Variants in PTPRQ observed in about 807,000 individuals in gnomAD.
The protein encoded by PTPRQ is phosphatidylinositol phosphatase PTPRQ.
In PTPRQ, 199 loss-of-function variants were observed where a neutral mutation model predicts 246.0. The observed-to-expected ratio is 0.81, with a 90% CI of 0.72 to 0.91. The LOEUF (loss-of-function observed/expected upper bound fraction) is 0.91, where lower values mean the gene tolerates loss of function less well. Ranked by LOEUF, PTPRQ falls within the 40% of genes least tolerant of loss-of-function variation. The pLI is 0.00. For missense variants in PTPRQ, 2,624 were observed against 2,528.4 expected, an observed-to-expected ratio of 1.04 and a Z score of -0.81; for synonymous variants, 869 against 853.2, an observed-to-expected ratio of 1.02 and a Z score of -0.32.
At chr12:80,477,620 C>T (rs1036803062) in intron 8 of PTPRQ, among the ~76,000 whole-genome samples, 7 of 152,238 alleles carry the variant, frequency 4.6e-5, no homozygotes, top group South Asian at 2.1e-4. Context: ...TCTGAGGTAC[C>T]GGGTTCATCT....
At chr12:80,493,659 T>A (rs1894521538) in intron 10 of PTPRQ, among the ~76,000 whole-genome samples, 1 of 151,962 alleles carries the variant, frequency 6.6e-6, no homozygotes, top group African/African-American at 2.4e-5. Context: ...CCATTTGACC[T>A]TCTTCCTGGA....
intron 43 of PTPRQ, among the ~76,000 whole-genome samples, chr12:80,677,806 A>G (rs1283799513): frequency 1.3e-5 from 2 of 152,218 alleles, no homozygotes; most frequent in Non-Finnish European, 2.9e-5. Flanking sequence ...ATCATTGTCA[A>G]TTTGAATATA....
chr12:80,622,811 T>C (rs1490065331), intron 33 of PTPRQ, among the ~76,000 whole-genome samples: 1 of 152,062 alleles, frequency 6.6e-6, no homozygotes, highest in Non-Finnish European at 1.5e-5. Context: ...AGTATCATCC[T>C]TGAGGGGTTG....
Position 80,605,070 on chromosome 12 carries a change from C to T in PTPRQ, c.4621C>T (p.Pro1541Ser), listed in dbSNP as rs1898265817. The T allele has an allele frequency of 6.5e-7, 1 of 1,541,154 alleles. No individual in the cohort carries two copies. Among genetic ancestry groups the T allele is most frequent in the Admixed American group, 2.0e-5 (1 of 49,988 alleles). Residue 1541 changes from proline (P) to serine (S), a missense_variant, in exon 27 of 45, where the codon CCT becomes TCT. Coordinates refer to ENST00000644991, the MANE Select transcript of PTPRQ (RefSeq NM_001145026.2). ...TTCTATTGTCATAGCTCCAGATGGT[C>T]CTCCTGAAAATGTTCATGTAGTAGC... ...TKTLPGPPDG[P>S]PENVHVVATS...
chr12:80,650,316 G>GTT (rs34306935), intron 37 of PTPRQ, among the ~76,000 whole-genome samples: 4,549 of 148,996 alleles, frequency 0.031, 102 homozygotes, highest in Middle Eastern at 0.059. Flanking sequence ...GTTGGGAATA[G>GTT]TTTTTTTTTT....
chr12:80,501,402 G>A (rs991787272), intron 14 of PTPRQ, among the ~76,000 whole-genome samples: 5 of 151,904 alleles, frequency 3.3e-5, no homozygotes, highest in Admixed American at 6.6e-5. Context: ...ACTTAGATGG[G>A]GCAGTCCAGG....
At chr12:80,496,198 A>T (rs1894614807) in intron 13 of PTPRQ, 52 bp from the exon 14 acceptor site, 2 of 1,542,018 alleles carry the variant, frequency 1.3e-6, no homozygotes, top group South Asian at 2.5e-5. Flanking sequence ...GGTCTAAAGC[A>T]ACAAACATCA....
chr12:80,549,697 T>C lies in PTPRQ; in HGVS notation c.4248T>C (p.Asp1416=), dbSNP rs992918352. 1.4e-5 allele frequency: 21 copies of C among 1,550,734 alleles called. No individual in the cohort carries two copies. The highest frequency in any genetic ancestry group is 1.7e-5 in the Non-Finnish European group (20 of 1,146,440). Residue 1416 remains aspartate (D), a synonymous_variant, in exon 25 of 45, where the codon GAT becomes GAC. Transcript: ENST00000644991. ...CTTCAACCTCAGCTGGTGAAGGTGATGAAAGCACATGCCATGTCAGCACAC... is the reference window on the plus strand; with the variant it reads ...CTTCAACCTCAGCTGGTGAAGGTGACGAAAGCACATGCCATGTCAGCACAC... ...VRASTSAGEG[D]ESTCHVSTLP...
At chr12:80,502,933 A>G (rs890294897) in intron 14 of PTPRQ, among the ~76,000 whole-genome samples, 3 of 151,780 alleles carry the variant, frequency 2.0e-5, no homozygotes, top group Non-Finnish European at 4.4e-5. Flanking sequence ...CTCTCTGAGT[A>G]GTAGGGAAGA....
In PTPRQ at chr12:80,496,494, G is replaced by A. The variant is rs1894628024; in HGVS notation, c.2235G>A (p.Gln745=). The part of the protein sequence containing the change: ...RSYTRFGHGN[Q]VSSLLSVRTS... ...ACACCAGATTTGGTCATGGCAATCA[G>A]GTATCTTCTTTACTCTCTGTAAGGA... is the stretch of plus-strand genomic sequence containing the variant. Residue 745 remains glutamine (Q), a synonymous_variant, in exon 14 of 45, where the codon CAG becomes CAA. Coordinates refer to ENST00000644991, the MANE Select transcript of PTPRQ (RefSeq NM_001145026.2). The A allele has an allele frequency of 6.5e-7, 1 of 1,549,982 alleles. No homozygotes were observed. Among genetic ancestry groups the A allele is most frequent in the Non-Finnish European group, 8.7e-7 (1 of 1,146,240 alleles).
chr12:80,463,165 T>C (rs529463825), intron 6 of PTPRQ, among the ~76,000 whole-genome samples: 2 of 152,124 alleles, frequency 1.3e-5, no homozygotes, highest in African/African-American at 2.4e-5. Context: ...TACAGAGAAG[T>C]GCTTAAAGGA....
At chr12:80,491,233 G>A (rs541350523) in intron 9 of PTPRQ, among the ~76,000 whole-genome samples, 19 of 152,018 alleles carry the variant, frequency 1.2e-4, no homozygotes, top group African/African-American at 4.1e-4. Context: ...CCATAGTTGA[G>A]GGGGAAATTC....
At chr12:80,502,312 G>T (rs1894825447) in intron 14 of PTPRQ, among the ~76,000 whole-genome samples, 1 of 151,844 alleles carries the variant, frequency 6.6e-6, no homozygotes, top group South Asian at 2.1e-4. Flanking sequence ...GAGGGGGAGG[G>T]CATATCAGAG....
intron 37 of PTPRQ, among the ~76,000 whole-genome samples, chr12:80,650,491 TA>T (rs768701443): frequency 1.1e-4 from 16 of 152,198 alleles, no homozygotes; most frequent in Non-Finnish European, 1.8e-4. Flanking sequence ...ATTTCTATTT[TA>T]TTTTTTTCCA....
intron 17 of PTPRQ, among the ~76,000 whole-genome samples, chr12:80,520,934 A>C (rs1056195227): frequency 4.6e-5 from 7 of 152,028 alleles, no homozygotes; most frequent in Admixed American, 1.3e-4. Context: ...AGGAATCGCC[A>C]CACTGACTTC....
chr12:80,655,940 G>A (rs1900419226), intron 38 of PTPRQ, among the ~76,000 whole-genome samples: 1 of 152,106 alleles, frequency 6.6e-6, no homozygotes, highest in Admixed American at 6.6e-5. Flanking sequence ...GCAAATACTT[G>A]CAGAAGAGAT....
intron 3 of PTPRQ, among the ~76,000 whole-genome samples, chr12:80,456,268 G>A (rs1892979615): frequency 6.6e-6 from 1 of 151,990 alleles, no homozygotes; most frequent in Non-Finnish European, 1.5e-5. Context: ...TAAAGAACAC[G>A]ATCAGAACTG....
intron 17 of PTPRQ, among the ~76,000 whole-genome samples, chr12:80,526,454 A>AT (rs1895689697): frequency 6.6e-6 from 1 of 152,126 alleles, no homozygotes; most frequent in Non-Finnish European, 1.5e-5. Flanking sequence ...TTCCCCAAAA[A>AT]ATATATATAG....
chr12:80,634,463 A>G (rs1045433785), intron 34 of PTPRQ, among the ~76,000 whole-genome samples: 11 of 152,308 alleles, frequency 7.2e-5, no homozygotes, highest in Non-Finnish European at 1.5e-5. Context: ...ATTCAATAAG[A>G]TAATTTGAAA....
Sources: allele counts gnomAD v4.1 joint callset (sites outside exome capture counted in the v4.1 genomes callset), GRCh38; gene constraint gnomAD v4.1.1; transcripts MANE v1.5; gene names NCBI Gene and HGNC (gene_info 2026-07-23, HGNC 2026-07-21).